Variants in LOC400499 observed in about 807,000 individuals in gnomAD.
the LOC400499 span, chr16:11,460,645 C>A: frequency 1.3e-6 from 2 of 1,495,274 alleles, no homozygotes; most frequent in East Asian, 2.5e-5. Flanking sequence ...CTGCCCTCCT[C>A]TGCCAGGCAG....
the LOC400499 span, among the ~76,000 whole-genome samples, chr16:11,381,533 C>G: frequency 6.6e-6 from 1 of 152,154 alleles, no homozygotes; most frequent in Non-Finnish European, 1.5e-5. Flanking sequence ...TAGAGTCTTT[C>G]AGACAGCAAA....
the LOC400499 span, chr16:11,384,891 G>A: frequency 8.1e-7 from 1 of 1,232,270 alleles, no homozygotes; most frequent in Non-Finnish European, 1.0e-6. Flanking sequence ...GACCCACCGT[G>A]CTGCCAGAGG....
the LOC400499 span, among the ~76,000 whole-genome samples, chr16:11,382,789 G>GCGGTGGC: frequency 6.6e-6 from 1 of 152,092 alleles, no homozygotes; most frequent in Non-Finnish European, 1.5e-5. Flanking sequence ...CAGCCTGGGT[G>GCGGTGGC]ACAGAGTGAG....
chr16:11,493,415 G>A, the LOC400499 span, among the ~76,000 whole-genome samples: 2 of 152,152 alleles, frequency 1.3e-5, no homozygotes, highest in African/African-American at 4.8e-5. Context: ...TACTAGAGGG[G>A]GCACAGATGG....
At chr16:11,514,616 G>C in the LOC400499 span, 3 of 399,178 alleles carry the variant, frequency 7.5e-6, no homozygotes, top group African/African-American at 6.2e-5. Flanking sequence ...CCAAGGGGAG[G>C]AGGGACGAGG....
the LOC400499 span, chr16:11,372,796 T>A: frequency 2.5e-6 from 2 of 805,240 alleles, no homozygotes; most frequent in Non-Finnish European, 3.0e-6. Flanking sequence ...GAGGGGCCCC[T>A]GCTGTTTCCT....
the LOC400499 span, among the ~76,000 whole-genome samples, chr16:11,527,351 C>G: frequency 6.6e-6 from 1 of 151,982 alleles, no homozygotes; most frequent in African/African-American, 2.4e-5. Context: ...CAGTCAGAAG[C>G]CTCCAATAAA....
At chr16:11,409,125 G>C in the LOC400499 span, among the ~76,000 whole-genome samples, 2 of 151,992 alleles carry the variant, frequency 1.3e-5, no homozygotes, top group South Asian at 2.1e-4. Context: ...GCCAGGCATG[G>C]TAGTGCATGC....
At chr16:11,380,891 C>CTCCT in the LOC400499 span, 1 of 155,352 alleles carries the variant, frequency 6.4e-6, no homozygotes, top group Non-Finnish European at 1.4e-5. Context: ...GCCACAGCAC[C>CTCCT]TCCTGTCTTG....
chr16:11,495,341 G>A, the LOC400499 span, among the ~76,000 whole-genome samples: 1 of 151,936 alleles, frequency 6.6e-6, no homozygotes, highest in Admixed American at 6.6e-5. Context: ...GGACACAGCT[G>A]CTCCCTGCCC....
chr16:11,515,967 G>A, the LOC400499 span: 3 of 390,950 alleles, frequency 7.7e-6, no homozygotes, highest in Admixed American at 4.4e-5. Context: ...AGTGATGAGC[G>A]TCCCCTGCGC....
chr16:11,463,798 T>C, the LOC400499 span, among the ~76,000 whole-genome samples: 1 of 152,054 alleles, frequency 6.6e-6, no homozygotes, highest in African/African-American at 2.4e-5. Context: ...CATATGGATG[T>C]TTGTGTGTAT....
At chr16:11,387,067 G>C in the LOC400499 span, 8 of 1,223,140 alleles carry the variant, frequency 6.5e-6, no homozygotes, top group Non-Finnish European at 7.1e-6. Context: ...AGGAGGCAGG[G>C]GGCTCTCAGG....
the LOC400499 span, chr16:11,443,265 A>C: frequency 6.3e-6 from 2 of 316,692 alleles, no homozygotes; most frequent in South Asian, 4.8e-5. Context: ...CAGAGGTTGC[A>C]ATGAGCCGAC....
the LOC400499 span, chr16:11,407,250 C>A: frequency 2.5e-6 from 1 of 398,918 alleles, no homozygotes; most frequent in East Asian, 3.6e-5. Context: ...CCGGCCTTAG[C>A]AGCTACCTGC....
chr16:11,415,926 A>C, the LOC400499 span, among the ~76,000 whole-genome samples: 1 of 148,774 alleles, frequency 6.7e-6, no homozygotes, highest in Non-Finnish European at 1.5e-5. Flanking sequence ...GCTAACGGCC[A>C]AAAATAAAGT....
the LOC400499 span, among the ~76,000 whole-genome samples, chr16:11,467,673 T>C: frequency 1.3e-5 from 2 of 152,148 alleles, no homozygotes; most frequent in African/African-American, 4.8e-5. Context: ...TTTCATGCTA[T>C]TGCATGATAC....
At chr16:11,418,696 C>T in the LOC400499 span, among the ~76,000 whole-genome samples, 3 of 152,370 alleles carry the variant, frequency 2.0e-5, no homozygotes, top group East Asian at 3.9e-4. Context: ...ATGTTCACAT[C>T]CCATTCCTGT....
chr16:11,432,784 C>T, the LOC400499 span, among the ~76,000 whole-genome samples: 1 of 152,194 alleles, frequency 6.6e-6, no homozygotes, highest in Non-Finnish European at 1.5e-5. Context: ...TGTGTGTGTG[C>T]ACTTCCTGAG....
Sources: allele counts gnomAD v4.1 joint callset (sites outside exome capture counted in the v4.1 genomes callset), GRCh38; gene constraint gnomAD v4.1.1; transcripts MANE v1.5.